The following SKOR1 variants were observed in gnomAD, a reference collection of about 807,000 sequenced individuals.
The protein encoded by SKOR1 is LBX1 corepressor 1.
A neutral mutation model predicts 72.4 loss-of-function variants in SKOR1; 38 were observed. That is an observed-to-expected ratio of 0.52 (90% CI 0.40 to 0.69). SKOR1 has a LOEUF of 0.69. Among genes scored for constraint, SKOR1 ranks in the 30% least tolerant of loss-of-function variants. The probability of loss-of-function intolerance (pLI) is 0.00; values close to 1 mark genes in which losing one functional copy is unlikely to be tolerated. For synonymous variants in SKOR1, 642 were observed against 599.4 expected, an observed-to-expected ratio of 1.07 and a Z score of -1.04; for missense variants, 1,320 against 1,343.2, an observed-to-expected ratio of 0.98 and a Z score of 0.27.
chr15:67,828,026 T>C lies in SKOR1; in HGVS notation c.2198T>C (p.Phe733Ser), dbSNP rs764893629. ...LGPPPAGRPA[F>S]GDLAAEDLVR... The stretch of plus-strand genomic sequence containing the variant: ...CCACCCCCAGCTGGCCGGCCCGCAT[T>C]TGGGGACTTGGCAGCCGAAGACTTG... The change falls in exon 2 of 9, where the codon TTT becomes TCT. Residue 733 changes from phenylalanine (F) to serine (S), a missense_variant. Physicochemically the swap from Phe to Ser is radical, Grantham distance 155 (BLOSUM62 -2). Coordinates refer to ENST00000380035, the MANE Select transcript of SKOR1 (RefSeq NM_001365915.1). 8.2e-5 allele frequency: 126 copies of C among 1,539,300 alleles called. No homozygotes were observed. Among genetic ancestry groups the C allele is most frequent in the South Asian group, 2.5e-4 (21 of 83,522 alleles).
rs1252076194 is a variant in SKOR1 at position 67,826,846 on chromosome 15, C to CT, written c.1018_1019insT (p.Pro340LeufsTer16). The CT allele has an allele frequency of 6.5e-7, 1 of 1,527,298 alleles. No individual in the cohort carries two copies. The highest frequency in any genetic ancestry group is 1.4e-5 in the African/African-American group (1 of 72,546). The allele number at this position is 1,527,298 out of a possible 1,614,324, so 94.6% of individuals were successfully genotyped here. On this transcript the variant is annotated frameshift_variant, in exon 2 of 9. Transcript: ENST00000380035. LOFTEE classifies it high-confidence loss of function. ...TGAGGCTGCCGGGCCTCCGGGGCCA[C>CT]CTCCACCCCACCCGCAGCGCGGACT...
In SKOR1 at chr15:67,834,134, G is replaced by A. The variant is rs2091030327; in HGVS notation, c.*298G>A. 2 of 476,190 alleles carry A rather than the reference G, an allele frequency of 4.2e-6. No homozygotes were observed. Among genetic ancestry groups the A allele is most frequent in the Non-Finnish European group, 7.8e-6 (2 of 257,532 alleles). The allele number at this position is 476,190 out of a possible 1,614,324, so 29.5% of individuals were successfully genotyped here. Reference sequence around the variant, plus strand: ...GGGGTTAACTGGACAGACGGGGGGCGGGAGGGGAGAGCGCCCCCTCCCATT... The same window carrying A: ...GGGGTTAACTGGACAGACGGGGGGCAGGAGGGGAGAGCGCCCCCTCCCATT... On this transcript the variant is annotated 3_prime_UTR_variant, in exon 9 of 9. Transcript: ENST00000380035. The surrounding 1 kb of genome is among the most constrained non-coding windows in gnomAD (Gnocchi z 5.8).
At chr15:67,830,419 C>T in intron 4 of SKOR1, 121 bp downstream of exon 4, 1 of 823,836 alleles carries the variant, frequency 1.2e-6, no homozygotes, top group Non-Finnish European at 2.0e-6. Flanking sequence ...TGCCAGTCTT[C>T]TTCCTCGGCG....
chr15:67,830,778 T>G (rs774617920), intron 4 of SKOR1, 40 bp from the exon 5 acceptor site: 1 of 1,607,744 alleles, frequency 6.2e-7, no homozygotes, highest in Non-Finnish European at 8.5e-7. Context: ...TCAAGGGCTT[T>G]CCTAGGACAG....
Position 67,830,217 on chromosome 15 carries a change from C to T in SKOR1, c.2434C>T (p.Pro812Ser), listed in dbSNP as rs755096763. 13 of 1,614,060 alleles carry T rather than the reference C, an allele frequency of 8.1e-6. No individual in the cohort carries two copies. The highest frequency in any genetic ancestry group is 1.3e-5 in the African/African-American group (1 of 74,936). ...GCCAGATAAGGAAGACAATCACTCG[C>T]CCGCCGATGATTTGGAAACGAGGAA... ...HEPDKEDNHS[P>S]ADDLETRKSY... is the part of the protein sequence containing the mutation. Residue 812 changes from proline (P) to serine (S), a missense_variant, in exon 4 of 9, where the codon CCC becomes TCC. Physicochemically the swap from Pro to Ser is moderately conservative, Grantham distance 74. Coordinates refer to ENST00000380035, the MANE Select transcript of SKOR1 (RefSeq NM_001365915.1).
In SKOR1 at chr15:67,827,802, G is replaced by A. The variant is rs1325790658; in HGVS notation, c.1974G>A (p.Glu658=). The A allele has an allele frequency of 6.3e-7, 1 of 1,576,808 alleles. No homozygotes were observed. The highest frequency in any genetic ancestry group is 2.3e-5 in the East Asian group (1 of 43,432). ...CGCCCGACGTGGACACCGCGGACGA[G>A]CCCGAGGTGGACGTGGAATCCAACC... ...SASPDVDTAD[E]PEVDVESNRF... Residue 658 remains glutamate (E), a synonymous_variant, in exon 2 of 9, where the codon GAG becomes GAA. Transcript: ENST00000380035.
In SKOR1 at chr15:67,827,132, G is replaced by A. The variant is rs748306934; in HGVS notation, c.1304G>A (p.Gly435Asp). 6 of 1,391,004 alleles carry A rather than the reference G, an allele frequency of 4.3e-6. No individual in the cohort carries two copies. In the East Asian group the frequency reaches 1.7e-4, roughly 39 times the overall value. The allele number at this position is 1,391,004 out of a possible 1,614,324, so 86.2% of individuals were successfully genotyped here. A position where few individuals can be genotyped will look rare whatever the true frequency, so the allele number is the denominator to read the frequency against. The stretch of plus-strand genomic sequence containing the variant: ...AGCGGCGGCGGCGGCGCGGGGACAG[G>A]CGGGGGTGCGGGGGGCCCGGGAGCC... The part of the protein sequence containing the change: ...TGSGGGGAGT[G>D]GGAGGPGASH... Residue 435 changes from glycine (G) to aspartate (D), a missense_variant, in exon 2 of 9, where the codon GGC becomes GAC. By Grantham distance (94) the Gly-to-Asp change is moderately conservative. Coordinates refer to ENST00000380035, the MANE Select transcript of SKOR1 (RefSeq NM_001365915.1).
Position 67,833,531 on chromosome 15 carries a change from A to G in SKOR1, c.2804-211A>G, listed in dbSNP as rs890842109. ...GTTGACTCCTCTCTTACTGTGCCTC[A>G]GTTTCCTTTTCTGTAAAATGGGGCT... On this transcript the variant is annotated intron_variant, in intron 8 of 8. Coordinates refer to ENST00000380035, the MANE Select transcript of SKOR1 (RefSeq NM_001365915.1). This position sits in a 1 kb window ranked among gnomAD's most constrained non-coding sequence, Gnocchi z 6.0. Among the ~76,000 whole-genome samples the G allele has an allele frequency of 1.3e-5, 2 of 152,196 alleles. No homozygotes were observed. Among genetic ancestry groups the G allele is most frequent in the Admixed American group, 6.5e-5 (1 of 15,282 alleles).
intron 4 of SKOR1, 43 bp from the exon 5 acceptor site, chr15:67,830,775 C>G (rs2091002235): frequency 6.2e-7 from 1 of 1,603,966 alleles, no homozygotes; most frequent in Non-Finnish European, 8.5e-7. Flanking sequence ...CTCTCAAGGG[C>G]TTTCCTAGGA....
Position 67,834,018 on chromosome 15 carries a change from TC to T in SKOR1, c.*184del. 1 of 666,996 alleles carries T rather than the reference TC, an allele frequency of 1.5e-6. No homozygotes were observed. The highest frequency in any genetic ancestry group is 2.6e-6 in the Non-Finnish European group (1 of 379,172). The allele number at this position is 666,996 out of a possible 1,614,324, so 41.3% of individuals were successfully genotyped here. A position where few individuals can be genotyped will look rare whatever the true frequency, so the allele number is the denominator to read the frequency against. On this transcript the variant is annotated 3_prime_UTR_variant, in exon 9 of 9. Coordinates refer to ENST00000380035, the MANE Select transcript of SKOR1 (RefSeq NM_001365915.1). This position sits in a 1 kb window ranked among gnomAD's most constrained non-coding sequence, Gnocchi z 5.8. ...GCCCGCCCCCTCCCGGGCGTCCCTG[TC>T]CAGGGCCCCGGCTTGGTTTCCAAGT...
At position 67,833,728 on chromosome 15, in the gene SKOR1, G is replaced by T. The variant is rs369204038; in HGVS notation, c.2804-14G>T. On this transcript the variant is annotated splice_polypyrimidine_tract_variant and intron_variant, in intron 8 of 8. Coordinates refer to ENST00000380035, the MANE Select transcript of SKOR1 (RefSeq NM_001365915.1). This position sits in a 1 kb window ranked among gnomAD's most constrained non-coding sequence, Gnocchi z 6.0. ...GAGAGGCGCCCAGAGTGACCCTCGC[G>T]ACTGTCTCCCCAGAAGCCCACGACG... is the stretch of plus-strand genomic sequence containing the variant. 3.1e-6 allele frequency: 5 copies of T among 1,613,144 alleles called. No individual in the cohort carries two copies. Among genetic ancestry groups the T allele is most frequent in the African/African-American group, 1.3e-5 (1 of 74,868 alleles).
In SKOR1 at chr15:67,833,860, G is replaced by T. The variant is rs777038255; in HGVS notation, c.*24G>T. The T allele has an allele frequency of 6.2e-7, 1 of 1,600,130 alleles. No homozygotes were observed. Among genetic ancestry groups the T allele is most frequent in the Non-Finnish European group, 8.5e-7 (1 of 1,175,936 alleles). ...AGGGCCGGCCTGGCCGCACCCCTGC[G>T]CCCTCAAGCCATGCTGCTCCTTGTA... On this transcript the variant is annotated 3_prime_UTR_variant, in exon 9 of 9. Transcript: ENST00000380035. The surrounding 1 kb of genome is among the most constrained non-coding windows in gnomAD (Gnocchi z 6.0).
intron 5 of SKOR1, among the ~76,000 whole-genome samples, chr15:67,831,482 C>T (rs1325510724): frequency 1.3e-5 from 2 of 152,138 alleles, no homozygotes; most frequent in African/African-American, 2.4e-5. Flanking sequence ...CCCCACTTTG[C>T]CCTTCTACCT....
rs1049894648 is a variant in SKOR1, at chr15:67,825,975, G to A, written c.147G>A (p.Pro49=). The A allele has an allele frequency of 6.6e-7, 1 of 1,525,822 alleles. No homozygotes were observed. The highest frequency in any genetic ancestry group is 8.8e-7 in the Non-Finnish European group (1 of 1,137,250). 94.5% of individuals were successfully genotyped at this position (1,525,822 alleles called of 1,614,324 possible). Residue 49 remains proline, a synonymous_variant, in exon 2 of 9, where the codon CCG becomes CCA. Transcript: ENST00000380035. The surrounding 1 kb of genome is among the most constrained non-coding windows in gnomAD (Gnocchi z 5.6). ...AGGCTCTCACCACTCAGCTGGGGCCGGGGCGCGAGGGCAGTTCCTCGCCCA... is the reference window on the plus strand; with the variant it reads ...AGGCTCTCACCACTCAGCTGGGGCCAGGGCGCGAGGGCAGTTCCTCGCCCA... ...GMEALTTQLG[P]GREGSSSPNS...
At position 67,825,663 on chromosome 15, in the gene SKOR1, C is replaced by A; in HGVS notation, c.61C>A (p.Gln21Lys). 1 of 723,440 alleles carries A rather than the reference C, an allele frequency of 1.4e-6. No homozygotes were observed. Among genetic ancestry groups the A allele is most frequent in the East Asian group, 2.7e-5 (1 of 37,278 alleles). 44.8% of individuals were successfully genotyped at this position (723,440 alleles called of 1,614,324 possible). A position where few individuals can be genotyped will look rare whatever the true frequency, so the allele number is the denominator to read the frequency against. Residue 21 changes from glutamine (Q) to lysine (K), a missense_variant, in exon 1 of 9, where the codon CAA becomes AAA. This residue lies in a region of SKOR1 where 120 missense variants were observed against 104.9 expected (regional missense o/e 1.14). Transcript: ENST00000380035. The surrounding 1 kb of genome is among the most constrained non-coding windows in gnomAD (Gnocchi z 5.6). ...TLRIWVSLPS[Q>K]SENGIGFLAA... ...GCGTATCTGGGTTTCACTTCCTTCCCAATCCGAAAACGGGATTGGGTTCCT... is the reference window on the plus strand; with the variant it reads ...GCGTATCTGGGTTTCACTTCCTTCCAAATCCGAAAACGGGATTGGGTTCCT...
chr15:67,825,557 G>A lies in SKOR1; in HGVS notation c.-46G>A. The A allele has an allele frequency of 1.4e-6, 1 of 724,486 alleles. No homozygotes were observed. Among genetic ancestry groups the A allele is most frequent in the Non-Finnish European group, 2.6e-6 (1 of 388,886 alleles). The allele number at this position is 724,486 out of a possible 1,614,324, so 44.9% of individuals were successfully genotyped here. A position where few individuals can be genotyped will look rare whatever the true frequency, so the allele number is the denominator to read the frequency against. On this transcript the variant is annotated 5_prime_UTR_variant, in exon 1 of 9. Transcript: ENST00000380035. This position sits in a 1 kb window ranked among gnomAD's most constrained non-coding sequence, Gnocchi z 5.6. ...GCCGGCAGCACCGGCTGCGAGGGTT[G>A]CCGAAGGCGCACGGATCTGGGCGCT...
At position 67,833,093 on chromosome 15, in the gene SKOR1, G is replaced by A. The variant is rs549308359; in HGVS notation, c.2738-99G>A. 8.2e-5 allele frequency: 105 copies of A among 1,273,590 alleles called. No homozygotes were observed. The highest frequency in any genetic ancestry group is 7.5e-4 in the African/African-American group (51 of 67,874). 78.9% of individuals were successfully genotyped at this position (1,273,590 alleles called of 1,614,324 possible). A position where few individuals can be genotyped will look rare whatever the true frequency, so the allele number is the denominator to read the frequency against. ...CCCATCCCTGGAGTTGTTTCTGCGC[G>A]GAGCTTAGCCCTGGGGAGAGGAGGA... On this transcript the variant is annotated intron_variant, in intron 7 of 8. Coordinates refer to ENST00000380035, the MANE Select transcript of SKOR1 (RefSeq NM_001365915.1). The surrounding 1 kb of genome is among the most constrained non-coding windows in gnomAD (Gnocchi z 6.0).
At chr15:67,829,113 G>C in intron 2 of SKOR1, 66 bp from the exon 3 acceptor site, 1 of 1,417,870 alleles carries the variant, frequency 7.1e-7, no homozygotes, top group Non-Finnish European at 9.4e-7. Context: ...CGCGGGGTAG[G>C]GCTGGGCGTC....
chr15:67,828,717 G>A (rs574353880), intron 2 of SKOR1, among the ~76,000 whole-genome samples: 2 of 152,030 alleles, frequency 1.3e-5, no homozygotes, highest in Non-Finnish European at 2.9e-5. Context: ...CGGGAGGGGG[G>A]CTCTCAAGCT....
Sources: allele counts gnomAD v4.1 joint callset (sites outside exome capture counted in the v4.1 genomes callset), GRCh38; gene constraint gnomAD v4.1.1; regional missense constraint gnomAD v4.1.1; non-coding constraint Gnocchi (gnomAD v3.1); transcripts MANE v1.5; gene names NCBI Gene and HGNC (gene_info 2026-07-23, HGNC 2026-07-21).